The following TDO2 variants were observed in gnomAD, a reference collection of about 807,000 sequenced individuals.
TDO2 encodes tryptamin 2,3-dioxygenase.
Under a neutral mutation model 61.2 loss-of-function variants are expected in TDO2, and 63 were observed. The ratio of observed to expected loss-of-function variants is 1.03; its 90% CI spans 0.84 to 1.27. The LOEUF (loss-of-function observed/expected upper bound fraction) is 1.27. Among genes scored for constraint, TDO2 ranks in the 50% most tolerant of loss-of-function variants. The pLI is 0.00. For synonymous variants in TDO2, 183 were observed against 164.0 expected, an observed-to-expected ratio of 1.12 and a Z score of -0.89; for missense variants, 494 against 469.5, an observed-to-expected ratio of 1.05 and a Z score of -0.48.
chr4:155,917,964 G>A (rs938156672), intron 10 of TDO2, among the ~76,000 whole-genome samples, 185 bp from the exon 11 acceptor site: 1 of 152,174 alleles, frequency 6.6e-6, no homozygotes, highest in Admixed American at 6.5e-5. Context: ...GTAGCCTGAA[G>A]CAAGTGGAGC....
At chr4:155,910,972 T>G (rs981032468) in intron 6 of TDO2, among the ~76,000 whole-genome samples, 4 of 152,090 alleles carry the variant, frequency 2.6e-5, no homozygotes, top group Non-Finnish European at 5.9e-5. Flanking sequence ...TGAATTTAGT[T>G]TTATTTCTAG....
In TDO2 at chr4:155,920,106, G is replaced by A; in HGVS notation, c.*116G>A. On this transcript the variant is annotated 3_prime_UTR_variant, in exon 12 of 12. Coordinates refer to ENST00000536354, the MANE Select transcript of TDO2 (RefSeq NM_005651.4). Reference sequence around the variant, plus strand: ...TGCATATATTGTTCAGCACCACGATGCTCTGATTTAATTCTAGAAACAATT... The same window carrying A: ...TGCATATATTGTTCAGCACCACGATACTCTGATTTAATTCTAGAAACAATT... The A allele has an allele frequency of 1.1e-6, 1 of 917,270 alleles. No individual in the cohort carries two copies. 56.8% of individuals were successfully genotyped at this position (917,270 alleles called of 1,614,324 possible).
rs1360875438 is a variant in TDO2, at chr4:155,911,502, G to A, written c.624G>A (p.Trp208Ter). The part of the protein sequence containing the change: ...EKTLLELVEA[W>*]LERTPGLEPH... ...AAAAATAATGTTTATTTAAGGCATG[G>A]CTGGAAAGAACTCCAGGTTTAGAGC... The change falls in exon 7 of 12, where the codon TGG becomes TGA. Residue 208 changes from tryptophan to a stop codon, truncating the protein, a stop_gained. Transcript: ENST00000536354. LOFTEE classifies it high-confidence loss of function. The A allele has an allele frequency of 1.9e-6, 3 of 1,581,226 alleles. No individual in the cohort carries two copies. The highest frequency in any genetic ancestry group is 1.7e-5 in the Admixed American group (1 of 57,918).
At chr4:155,916,580 T>A (rs866801740) in intron 9 of TDO2, among the ~76,000 whole-genome samples, 6 of 152,018 alleles carry the variant, frequency 3.9e-5, no homozygotes, top group Admixed American at 1.3e-4. Context: ...AAAAAATGCA[T>A]GAAGTGAAAA....
Position 155,918,249 on chromosome 4 carries a change from G to A in TDO2, c.1067+10G>A. ...TGCGATCAACTGTGAGGTAGGTGGG[G>A]AAATTCTCCTTTCTTCCTGGTGGCA... On this transcript the variant is annotated intron_variant, in intron 11 of 11. Coordinates refer to ENST00000536354, the MANE Select transcript of TDO2 (RefSeq NM_005651.4). 1.2e-6 allele frequency: 2 copies of A among 1,613,470 alleles called. No homozygotes were observed. Among genetic ancestry groups the A allele is most frequent in the Non-Finnish European group, 1.7e-6 (2 of 1,179,610 alleles).
Position 155,910,215 on chromosome 4 carries a change from T to G in TDO2, c.618+4T>G. On this transcript the variant is annotated splice_donor_region_variant and intron_variant, in intron 6 of 11. Transcript: ENST00000536354. The stretch of plus-strand genomic sequence containing the variant: ...GACACTTCTGGAATTAGTGGAGGTA[T>G]GGATTCATACAATTTATAAAGTTTA... The G allele has an allele frequency of 6.4e-7, 1 of 1,558,626 alleles. No individual in the cohort carries two copies. The highest frequency in any genetic ancestry group is 8.6e-7 in the Non-Finnish European group (1 of 1,160,444).
chr4:155,904,062 A>T lies in TDO2; in HGVS notation c.80A>T (p.Lys27Ile). ...CCCGTAGAAGGCAGCGAAGAAGACA[A>T]ATCACAAACTGGTGTGAATAGAGCC... ...KLPVEGSEED[K>I]SQTGVNRASK... Residue 27 changes from lysine (K) to isoleucine (I), a missense_variant, in exon 2 of 12, where the codon AAA (lysine) becomes ATA (isoleucine). Coordinates refer to ENST00000536354, the MANE Select transcript of TDO2 (RefSeq NM_005651.4). 6.2e-7 allele frequency: 1 copy of T among 1,614,120 alleles called. No individual in the cohort carries two copies. Among genetic ancestry groups the T allele is most frequent in the Non-Finnish European group, 8.5e-7 (1 of 1,180,004 alleles).
intron 3 of TDO2, chr4:155,906,263 T>C (rs936190413): frequency 6.6e-6 from 1 of 152,146 alleles, no homozygotes; most frequent in Non-Finnish European, 1.5e-5. Flanking sequence ...ATGGTAGCTA[T>C]CATTATTTTA....
chr4:155,910,746 C>T (rs796778700), intron 6 of TDO2, among the ~76,000 whole-genome samples: 58 of 152,090 alleles, frequency 3.8e-4, no homozygotes, highest in African/African-American at 1.2e-3. Context: ...TATTGTCTTG[C>T]TTTCCATTAC....
chr4:155,908,308 A>G (rs1742756837), intron 4 of TDO2, among the ~76,000 whole-genome samples: 3 of 152,086 alleles, frequency 2.0e-5, no homozygotes, highest in Admixed American at 1.3e-4. Context: ...GCTTCCAGTG[A>G]CGGCAGGAGC....
chr4:155,915,996 A>T, intron 9 of TDO2, 84 bp downstream of exon 9: 1 of 1,201,898 alleles, frequency 8.3e-7, no homozygotes, highest in East Asian at 2.5e-5. Flanking sequence ...TAAAAATTAC[A>T]ATCATAGTTT....
In TDO2 at chr4:155,915,856, T is replaced by G. The variant is rs1337660637; in HGVS notation, c.840T>G (p.Gly280=). The G allele has an allele frequency of 1.2e-6, 2 of 1,608,748 alleles. No individual in the cohort carries two copies. Among genetic ancestry groups the G allele is most frequent in the South Asian group, 2.2e-5 (2 of 89,284 alleles). The change falls in exon 9 of 12, where the codon GGT becomes GGG. Residue 280 remains glycine (G), a splice_region_variant and synonymous_variant. Coordinates refer to ENST00000536354, the MANE Select transcript of TDO2 (RefSeq NM_005651.4). ...EKRHEHLLSK[G]ERRLSYRALQ... ...TTAAATTTAGTATGTATTTTGCAGG[T>G]GAAAGACGGCTGTCATACAGAGCAC...
In TDO2 at chr4:155,919,893, G is replaced by A. The variant is rs750489776; in HGVS notation, c.1124G>A (p.Arg375Gln). 9 of 1,613,528 alleles carry A rather than the reference G, an allele frequency of 5.6e-6. No homozygotes were observed. The highest frequency in any genetic ancestry group is 5.0e-5 in the Admixed American group (3 of 59,992). The change falls in exon 12 of 12, where the codon CGA (arginine) becomes CAA (glutamine). Residue 375 changes from arginine (R) to glutamine (Q), a missense_variant. Coordinates refer to ENST00000536354, the MANE Select transcript of TDO2 (RefSeq NM_005651.4). ...AATCTTTCAACATACCTGATTCCCC[G>A]ACACTGGATACCGAAGATGAACCCA... The part of the protein sequence containing the change: ...LFNLSTYLIP[R>Q]HWIPKMNPTI...
In TDO2 at chr4:155,904,114, C is replaced by G. The variant is rs144568577; in HGVS notation, c.132C>G (p.Asn44Lys). ...GCAAAGGAGGTCTTATCTATGGGAA[C>G]TACCTGCATGTAAGTGGCAGGGTCC... ...RASKGGLIYG[N>K]YLHLEKVLNA... The change falls in exon 2 of 12, where the codon AAC becomes AAG. Residue 44 changes from asparagine (N) to lysine (K), a missense_variant. By Grantham distance (94) the Asn-to-Lys change is moderately conservative. Transcript: ENST00000536354. 20 of 1,613,244 alleles carry G rather than the reference C, an allele frequency of 1.2e-5. No homozygotes were observed. Among genetic ancestry groups the G allele is most frequent in the Non-Finnish European group, 1.5e-5 (18 of 1,179,402 alleles).
In TDO2 at chr4:155,905,120, A is replaced by T; in HGVS notation, c.195A>T (p.Lys65Asn). 1 of 1,602,506 alleles carries T rather than the reference A, an allele frequency of 6.2e-7. No individual in the cohort carries two copies. The highest frequency in any genetic ancestry group is 8.5e-7 in the Non-Finnish European group (1 of 1,175,088). Residue 65 changes from lysine to asparagine, a missense_variant, in exon 3 of 12, where the codon AAA becomes AAT. Physicochemically the swap from Lys to Asn is moderately conservative, Grantham distance 94. Coordinates refer to ENST00000536354, the MANE Select transcript of TDO2 (RefSeq NM_005651.4). ...QELQSETKGN[K>N]IHDEHLFIIT... is the part of the protein sequence containing the mutation. The stretch of plus-strand genomic sequence containing the variant: ...TGCAAAGTGAAACAAAAGGAAATAA[A>T]ATCCATGATGAACATCTTTTTATCA...
At position 155,904,150 on chromosome 4, in the gene TDO2, T is replaced by C. The variant is rs529944772; in HGVS notation, c.141+27T>C. The C allele has an allele frequency of 5.2e-6, 8 of 1,542,300 alleles. No homozygotes were observed. In the South Asian group the frequency reaches 8.0e-5, roughly 15 times the overall value. On this transcript the variant is annotated intron_variant, in intron 2 of 11. Transcript: ENST00000536354. ...TAAGTGGCAGGGTCCTTACAGGGTTTGGTGTCCATTGTTAGGCACTCAATT... is the reference window on the plus strand; with the variant it reads ...TAAGTGGCAGGGTCCTTACAGGGTTCGGTGTCCATTGTTAGGCACTCAATT...
Position 155,905,134 on chromosome 4 carries a change from A to T in TDO2, c.209A>T (p.His70Leu). The T allele has an allele frequency of 3.1e-6, 5 of 1,597,662 alleles. No homozygotes were observed. Among genetic ancestry groups the T allele is most frequent in the Non-Finnish European group, 4.3e-6 (5 of 1,172,528 alleles). ...AAAGGAAATAAAATCCATGATGAAC[A>T]TCTTTTTATCATAACTCATCAAGGT... ...ETKGNKIHDE[H>L]LFIITHQAYE... is the part of the protein sequence containing the mutation. The change falls in exon 3 of 12, where the codon CAT becomes CTT. Residue 70 changes from histidine (H) to leucine (L), a missense_variant. By Grantham distance (99) the His-to-Leu change is moderately conservative. Transcript: ENST00000536354.
intron 8 of TDO2, among the ~76,000 whole-genome samples, chr4:155,915,313 G>C (rs1422164110): frequency 6.6e-6 from 1 of 152,164 alleles, no homozygotes; most frequent in Admixed American, 6.5e-5. Flanking sequence ...TAAGCTTAAA[G>C]GTTGTTAGCT....
At chr4:155,914,812 A>T (rs1742902434) in intron 8 of TDO2, among the ~76,000 whole-genome samples, 2 of 152,184 alleles carry the variant, frequency 1.3e-5, no homozygotes, top group African/African-American at 2.4e-5. Flanking sequence ...GCAAGTATTG[A>T]TGTCGCCCCA....
Sources: allele counts gnomAD v4.1 joint callset (sites outside exome capture counted in the v4.1 genomes callset), GRCh38; gene constraint gnomAD v4.1.1; transcripts MANE v1.5; gene names NCBI Gene and HGNC (gene_info 2026-07-23, HGNC 2026-07-21).